The following SHISA9 variants were observed in gnomAD, a reference collection of about 807,000 sequenced individuals.
The protein encoded by SHISA9 is protein shisa-9.
SHISA9 carries 13 observed loss-of-function variants against 38.0 expected under a neutral mutation model. The observed-to-expected ratio is 0.34, with a 90% CI of 0.22 to 0.54. The LOEUF (loss-of-function observed/expected upper bound fraction) is 0.54, where lower values mean the gene tolerates loss of function less well. Ranked by LOEUF, SHISA9 falls within the 20% of genes least tolerant of loss-of-function variation. The probability of loss-of-function intolerance (pLI) is 0.91; values close to 1 mark genes in which losing one functional copy is unlikely to be tolerated. For synonymous variants in SHISA9, 275 were observed against 242.0 expected (o/e 1.14, Z -1.27); for missense variants, 538 against 575.8 (o/e 0.93, Z 0.67).
chr16:13,198,730 G>T (rs911880064), intron 2 of SHISA9, among the ~76,000 whole-genome samples: 2 of 152,170 alleles, frequency 1.3e-5, no homozygotes, highest in East Asian at 1.9e-4. Flanking sequence ...AATAAATTTT[G>T]TTTGTTGCCC....
chr16:13,049,123 C>G (rs2073219387), intron 2 of SHISA9, among the ~76,000 whole-genome samples: 1 of 151,356 alleles, frequency 6.6e-6, no homozygotes, highest in Admixed American at 6.6e-5. Context: ...GATCCAAAGG[C>G]TTGAGCTGCC....
the SHISA9 span, among the ~76,000 whole-genome samples, chr16:13,558,302 T>C: frequency 6.6e-6 from 1 of 152,170 alleles, no homozygotes; most frequent in Admixed American, 6.5e-5. Flanking sequence ...ATAATGTAAA[T>C]AAGCTTGATG....
At chr16:13,118,732 T>TTC (rs1371652594) in intron 2 of SHISA9, among the ~76,000 whole-genome samples, 28 of 137,816 alleles carry the variant, frequency 2.0e-4, no homozygotes, top group Non-Finnish European at 3.0e-4. Flanking sequence ...TCTTTTTTCT[T>TTC]TTTTTTTTTT....
intron 2 of SHISA9, among the ~76,000 whole-genome samples, chr16:13,047,774 A>G (rs959437396): frequency 6.6e-6 from 1 of 152,326 alleles, no homozygotes; most frequent in South Asian, 2.1e-4. Context: ...GCTTATTGCT[A>G]TGAATACTAT....
the SHISA9 span, among the ~76,000 whole-genome samples, chr16:13,442,631 A>C: frequency 6.6e-6 from 1 of 152,108 alleles, no homozygotes; most frequent in South Asian, 2.1e-4. Flanking sequence ...AAAATCCTGC[A>C]ATAATATTGT....
the SHISA9 span, among the ~76,000 whole-genome samples, chr16:13,502,639 C>A: frequency 1.1e-4 from 16 of 152,072 alleles, no homozygotes; most frequent in African/African-American, 3.9e-4. Flanking sequence ...CTTTGGGAGG[C>A]CGAGGCAGAT....
intron 2 of SHISA9, among the ~76,000 whole-genome samples, chr16:13,188,555 A>C (rs1482018718): frequency 6.6e-6 from 1 of 152,004 alleles, no homozygotes; most frequent in Non-Finnish European, 1.5e-5. Flanking sequence ...CCGTCTCTAC[A>C]AAAATAAAAA....
intron 2 of SHISA9, among the ~76,000 whole-genome samples, chr16:13,198,212 A>G (rs1427934016): frequency 6.8e-6 from 1 of 148,128 alleles, no homozygotes; most frequent in African/African-American, 2.5e-5. Flanking sequence ...ATGTGTGTAT[A>G]TGCATACATA....
intron 2 of SHISA9, among the ~76,000 whole-genome samples, chr16:12,951,473 A>G (rs1039292596): frequency 2.6e-5 from 4 of 152,138 alleles, no homozygotes; most frequent in African/African-American, 9.7e-5. Context: ...CATAAAATAT[A>G]TACAAATAGG....
chr16:13,107,536 C>G (rs1375964954), intron 2 of SHISA9, among the ~76,000 whole-genome samples: 1 of 150,592 alleles, frequency 6.6e-6, no homozygotes, highest in Non-Finnish European at 1.5e-5. Flanking sequence ...AACTTTAGTT[C>G]TAGCAAAGAT....
At chr16:13,062,286 C>T (rs276629) in intron 2 of SHISA9, among the ~76,000 whole-genome samples, 1 of 151,950 alleles carries the variant, frequency 6.6e-6, no homozygotes, top group African/African-American at 2.4e-5. Context: ...GTAGTGATCA[C>T]CTGACTCCGT....
chr16:12,980,261 A>C (rs2072223157), intron 2 of SHISA9, among the ~76,000 whole-genome samples: 1 of 152,136 alleles, frequency 6.6e-6, no homozygotes, highest in African/African-American at 2.4e-5. Context: ...ATTTATTCAA[A>C]AGTAGTTTTA....
chr16:13,032,771 T>A (rs1200952973), intron 2 of SHISA9, among the ~76,000 whole-genome samples: 2 of 152,212 alleles, frequency 1.3e-5, no homozygotes, highest in Non-Finnish European at 2.9e-5. Flanking sequence ...GAGAAGGTAC[T>A]CAAGCTTCAT....
the SHISA9 span, among the ~76,000 whole-genome samples, chr16:13,453,025 C>T: frequency 6.6e-6 from 1 of 152,006 alleles, no homozygotes; most frequent in African/African-American, 2.4e-5. Flanking sequence ...TCTCCTACCT[C>T]AGCCTCCCGA....
chr16:13,198,511 C>T (rs1316719731), intron 2 of SHISA9, among the ~76,000 whole-genome samples: 1 of 152,154 alleles, frequency 6.6e-6, no homozygotes, highest in Non-Finnish European at 1.5e-5. Flanking sequence ...CTCATTCATG[C>T]TGCATTTTTT....
chr16:12,984,838 A>G (rs2072285888), intron 2 of SHISA9, among the ~76,000 whole-genome samples: 1 of 152,062 alleles, frequency 6.6e-6, no homozygotes, highest in African/African-American at 2.4e-5. Flanking sequence ...CCTATATGGG[A>G]GTAAGTCTGT....
chr16:13,480,929 C>T, the SHISA9 span, among the ~76,000 whole-genome samples: 2 of 152,170 alleles, frequency 1.3e-5, no homozygotes, highest in Non-Finnish European at 2.9e-5. Context: ...CAAGTCTGTT[C>T]AGTTTTGTCA....
intron 2 of SHISA9, among the ~76,000 whole-genome samples, chr16:12,949,962 A>G (rs2071733816): frequency 6.6e-6 from 1 of 152,194 alleles, no homozygotes; most frequent in Non-Finnish European, 1.5e-5. Context: ...AGTAGAATTT[A>G]CTGCTTCTAT....
intron 2 of SHISA9, among the ~76,000 whole-genome samples, chr16:13,114,465 C>CAAAAAAAAAAAAAAAAAAAAA (rs58742818): frequency 2.0e-5 from 1 of 51,018 alleles, no homozygotes; most frequent in Non-Finnish European, 4.3e-5. Flanking sequence ...GATTCCATCT[C>CAAAAAAAAAAAAAAAAAAAAA]AAAAAAAAAA....
Sources: allele counts gnomAD v4.1 joint callset (sites outside exome capture counted in the v4.1 genomes callset), GRCh38; gene constraint gnomAD v4.1.1; transcripts MANE v1.5; gene names NCBI Gene and HGNC (gene_info 2026-07-23, HGNC 2026-07-21).